CENPE: variants seen among roughly 807,000 people sequenced by gnomAD.
CENPE encodes the protein centromere-associated protein E.
CENPE carries 145 observed loss-of-function variants against 336.1 expected under a neutral mutation model. The ratio of observed to expected loss-of-function variants is 0.43; its 90% confidence interval spans 0.38 to 0.50. The LOEUF is 0.50. Among genes scored for constraint, CENPE ranks in the 20% least tolerant of loss-of-function variants. The pLI is 0.00. For synonymous variants in CENPE, 1,013 were observed against 984.8 expected (o/e 1.03, Z -0.54); for missense variants, 2,719 against 3,023.3 (o/e 0.90, Z 2.36).
intron 16 of CENPE, among the ~76,000 whole-genome samples, chr4:103,172,728 T>TA (rs1393005429): frequency 6.6e-6 from 1 of 151,798 alleles, no homozygotes; most frequent in Admixed American, 6.6e-5. Context: ...TTACAACTAA[T>TA]AAAAAACTCA....
chr4:103,138,126 AGTATCACTTTTCT>A (rs1430325374), intron 39 of CENPE, among the ~76,000 whole-genome samples: 2 of 152,172 alleles, frequency 1.3e-5, no homozygotes, highest in Non-Finnish European at 2.9e-5. Flanking sequence ...TATTTGCTCA[AGTATCACTTTTCT>A]GGTGAGGACT....
rs200244246 is a variant in CENPE at position 103,145,039 on chromosome 4, T to G, written c.4857+11A>C. The G allele has an allele frequency of 1.3e-5, 19 of 1,481,456 alleles. No individual in the cohort carries two copies. The highest frequency in any genetic ancestry group is 1.6e-5 in the Non-Finnish European group (18 of 1,118,506). 91.8% of individuals were successfully genotyped at this position (1,481,456 alleles called of 1,614,324 possible). A position where few individuals can be genotyped will look rare whatever the true frequency, so the allele number is the denominator to read the frequency against. ...GTATCCAAAAAAAAAAAAAATAAGA[T>G]GGGAACTTACTTTAGCTACAATTTC... On this transcript the variant is annotated intron_variant, in intron 32 of 48. Transcript: ENST00000265148.
chr4:103,196,912 T>C, intron 1 of CENPE, 62 bp from the exon 2 acceptor site: 2 of 776,274 alleles, frequency 2.6e-6, no homozygotes, highest in Admixed American at 2.3e-5. Flanking sequence ...GGAGGAATAA[T>C]TGAAAAGATT....
chr4:103,176,776 A>G (rs1357655836), intron 14 of CENPE, 123 bp downstream of exon 14: 5 of 696,276 alleles, frequency 7.2e-6, no homozygotes, highest in Non-Finnish European at 1.1e-5. Flanking sequence ...TCTCCATTGT[A>G]ATCACATATG....
intron 4 of CENPE, 148 bp from the exon 5 acceptor site, chr4:103,195,381 A>G: frequency 1.8e-6 from 1 of 550,804 alleles, no homozygotes. Context: ...TAATGAACAC[A>G]AAAATATAAA....
chr4:103,167,541 G>A (rs1258669638), intron 16 of CENPE, among the ~76,000 whole-genome samples: 2 of 152,102 alleles, frequency 1.3e-5, no homozygotes, highest in Non-Finnish European at 2.9e-5. Context: ...ATACTTCTGA[G>A]TGATGTCAAG....
intron 36 of CENPE, 115 bp downstream of exon 36, chr4:103,140,699 T>TA (rs1752476878): frequency 1.2e-6 from 1 of 810,568 alleles, no homozygotes. Flanking sequence ...TTATTATTGG[T>TA]GGACACTTAG....
At chr4:103,156,346 A>C (rs1753956411) in intron 24 of CENPE, among the ~76,000 whole-genome samples, 1 of 152,204 alleles carries the variant, frequency 6.6e-6, no homozygotes, top group African/African-American at 2.4e-5. Context: ...ATAAAGCTAC[A>C]GTAATCAAAA....
chr4:103,123,663 A>AT (rs1750845530), intron 42 of CENPE, among the ~76,000 whole-genome samples: 1 of 152,216 alleles, frequency 6.6e-6, no homozygotes, highest in African/African-American at 2.4e-5. Flanking sequence ...ATAGTGTGTG[A>AT]TAAGTGCTTA....
chr4:103,188,061 A>G (rs1246835352), intron 8 of CENPE, among the ~76,000 whole-genome samples: 2 of 152,084 alleles, frequency 1.3e-5, no homozygotes, highest in Non-Finnish European at 2.9e-5. Context: ...CCATTACATA[A>G]TGGTAAAGGG....
intron 14 of CENPE, 23 bp downstream of exon 14, chr4:103,176,876 T>C (rs1755915179): frequency 6.5e-7 from 1 of 1,536,158 alleles, no homozygotes; most frequent in South Asian, 1.2e-5. Context: ...TTAAACATAG[T>C]TCCACTTGAA....
At chr4:103,128,194 A>G (rs1214503898) in intron 42 of CENPE, among the ~76,000 whole-genome samples, 2 of 152,212 alleles carry the variant, frequency 1.3e-5, no homozygotes, top group African/African-American at 4.8e-5. Flanking sequence ...ACGTAGTGAT[A>G]AAGACATCAA....
At chr4:103,148,683 A>G (rs980905384) in intron 28 of CENPE, among the ~76,000 whole-genome samples, 161 bp downstream of exon 28, 4 of 152,194 alleles carry the variant, frequency 2.6e-5, no homozygotes, top group Non-Finnish European at 5.9e-5. Context: ...TTCTCATTGC[A>G]TTTCTATAAC....
chr4:103,187,872 C>T (rs1477827060), intron 8 of CENPE, among the ~76,000 whole-genome samples: 1 of 152,014 alleles, frequency 6.6e-6, no homozygotes, highest in Admixed American at 6.6e-5. Context: ...TAGTCAAGAC[C>T]CATCAGTGTG....
rs1337414118 is a variant in CENPE, at chr4:103,122,891, C to A, written c.7123G>T (p.Ala2375Ser). The part of the protein sequence containing the change: ...DNKNPHVTSR[A>S]TQLTTEKIRE... ...TATACCTCTGTGGTTAACTGTGTAG[C>A]TCTTGATGTAACATGAGGATTCTTA... is the stretch of plus-strand genomic sequence containing the variant. The change falls in exon 43 of 49, where the codon GCT (alanine) becomes TCT (serine). Residue 2375 changes from alanine (A) to serine (S), a missense_variant. Physicochemically the swap from Ala to Ser is moderately conservative, Grantham distance 99 (BLOSUM62 1). Around this residue, in one of 5 missense-constraint regions of CENPE, gnomAD observed 2,437 missense variants for 2,513.3 expected, o/e 0.97. Coordinates refer to ENST00000265148, the MANE Select transcript of CENPE (RefSeq NM_001813.3). 6.2e-7 allele frequency: 1 copy of A among 1,612,722 alleles called. No homozygotes were observed. Among genetic ancestry groups the A allele is most frequent in the African/African-American group, 1.3e-5 (1 of 74,860 alleles).
rs1273896733 is a variant in CENPE at position 103,120,196 on chromosome 4, T to G, written c.7281A>C (p.Glu2427Asp). 6.2e-7 allele frequency: 1 copy of G among 1,611,002 alleles called. No individual in the cohort carries two copies. Among genetic ancestry groups the G allele is most frequent in the Non-Finnish European group, 8.5e-7 (1 of 1,178,980 alleles). Residue 2427 changes from glutamate to aspartate, a missense_variant, in exon 44 of 49, where the codon GAA (glutamate) becomes GAC (aspartate). By Grantham distance (45) the Glu-to-Asp change is conservative. Transcript: ENST00000265148. The stretch of plus-strand genomic sequence containing the variant: ...TTGTTTTTTCAAGGCATTTATTTGA[T>G]TCATGAACTTTGGCTTGAAGTTTTG... ...IIAKLQAKVH[E>D]SNKCLEKTKE...
In CENPE at chr4:103,180,352, G is replaced by A. The variant is rs528315425; in HGVS notation, c.1201C>T (p.Leu401=). Residue 401 remains leucine, a synonymous_variant, in exon 13 of 49, where the codon CTG becomes TTG. Coordinates refer to ENST00000265148, the MANE Select transcript of CENPE (RefSeq NM_001813.3). ...NEKIENLTRM[L]VTSSSLTLQQ... ...AACGTGAGGGAAGAAGAGGTCACCA[G>A]CATCCGTGTTAAGTTTTCAATTTTC... The A allele has an allele frequency of 6.2e-7, 1 of 1,613,040 alleles. No individual in the cohort carries two copies. The highest frequency in any genetic ancestry group is 1.1e-5 in the South Asian group (1 of 90,928).
intron 16 of CENPE, among the ~76,000 whole-genome samples, chr4:103,164,465 C>A (rs563444679): frequency 6.6e-6 from 1 of 151,936 alleles, no homozygotes; most frequent in Non-Finnish European, 1.5e-5. Flanking sequence ...CAGACTAGTG[C>A]AAGTGTTGAC....
chr4:103,192,469 TGACTTCAA>T (rs1266681073), intron 8 of CENPE, among the ~76,000 whole-genome samples: 1 of 152,174 alleles, frequency 6.6e-6, no homozygotes, highest in African/African-American at 2.4e-5. Context: ...ATCCTTATGA[TGACTTCAA>T]GAAACAAAGA....
Sources: gnomAD v4.1 joint callset for allele counts (sites outside exome capture counted in the v4.1 genomes callset) on GRCh38, gnomAD v4.1.1 for gene constraint, gnomAD v4.1.1 regional missense constraint, MANE v1.5 for transcripts, NCBI Gene and HGNC (gene_info 2026-07-23, HGNC 2026-07-21) for gene names.